The following ITGB1 variants were observed in gnomAD, a reference collection of about 807,000 sequenced individuals.
The protein encoded by ITGB1 is integrin subunit beta 1.
Under a neutral mutation model 86.5 loss-of-function variants are expected in ITGB1, and 24 were observed. The observed-to-expected ratio is 0.28, with a 90% CI of 0.20 to 0.39. ITGB1 has a LOEUF of 0.39. ITGB1 is among the 10% of genes least tolerant of loss of function. The probability of loss-of-function intolerance (pLI) is 1.00; values close to 1 mark genes in which losing one functional copy is unlikely to be tolerated. For missense variants in ITGB1, 556 were observed against 946.9 expected, an observed-to-expected ratio of 0.59 and a Z score of 5.42; for synonymous variants, 323 against 316.8, an observed-to-expected ratio of 1.02 and a Z score of -0.21.
chr10:32,915,725 TAC>T (rs751762502), intron 11 of ITGB1, among the ~76,000 whole-genome samples: 1 of 152,214 alleles, frequency 6.6e-6, no homozygotes, highest in Non-Finnish European at 1.5e-5. Context: ...AGCCGAATTC[TAC>T]CAGAGGTACA....
chr10:32,957,678 C>G (rs1048255047), intron 1 of ITGB1: 4 of 152,320 alleles, frequency 2.6e-5, no homozygotes, highest in Non-Finnish European at 5.9e-5. Context: ...CGCGAGGGAG[C>G]GAGAGACAAA....
chr10:32,925,080 T>A (rs1195311149), intron 6 of ITGB1, among the ~76,000 whole-genome samples: 10 of 152,118 alleles, frequency 6.6e-5, no homozygotes, highest in African/African-American at 2.4e-5. Flanking sequence ...CTAAGAGGCC[T>A]CTAAAATCAA....
At chr10:32,930,100 T>C in intron 3 of ITGB1, 56 bp from the exon 4 acceptor site, 9 of 779,672 alleles carry the variant, frequency 1.2e-5, no homozygotes, top group Non-Finnish European at 2.0e-5. Flanking sequence ...CAAACCTTTT[T>C]ACATAATAAT....
chr10:32,935,637 C>T (rs1202893100), intron 1 of ITGB1, 79 bp from the exon 2 acceptor site: 12 of 974,840 alleles, frequency 1.2e-5, no homozygotes, highest in Admixed American at 5.8e-5. Context: ...ATTACCCCAC[C>T]GTACCTTCTA....
chr10:32,923,313 C>T (rs963242933), intron 7 of ITGB1, among the ~76,000 whole-genome samples: 6 of 152,092 alleles, frequency 3.9e-5, no homozygotes, highest in African/African-American at 1.2e-4. Context: ...ATGCTGTGGG[C>T]GGGGAGTTGA....
chr10:32,937,041 A>T (rs1364084279), intron 1 of ITGB1, among the ~76,000 whole-genome samples: 1 of 152,124 alleles, frequency 6.6e-6, no homozygotes, highest in Non-Finnish European at 1.5e-5. Flanking sequence ...CAAAAACCAT[A>T]AAAAAATTTC....
chr10:32,942,818 G>A (rs117512259), intron 1 of ITGB1, among the ~76,000 whole-genome samples: 6,757 of 151,724 alleles, frequency 0.045, 175 homozygotes, highest in Non-Finnish European at 0.058. Context: ...CCAAGTAACT[G>A]GGACTACAGG....
At chr10:32,930,567 C>T (rs2040009) in intron 3 of ITGB1, among the ~76,000 whole-genome samples, 14,383 of 151,988 alleles carry the variant, frequency 0.095, 872 homozygotes, top group Admixed American at 0.2. Flanking sequence ...AATTTAGCAC[C>T]GATTAAATAA....
chr10:32,946,290 T>G (rs533715046), intron 1 of ITGB1, among the ~76,000 whole-genome samples: 1 of 152,338 alleles, frequency 6.6e-6, no homozygotes, highest in African/African-American at 2.4e-5. Context: ...TTGGCATAAA[T>G]AGCAATCAAT....
Position 32,932,638 on chromosome 10 carries a change from A to G in ITGB1, c.68-38T>C, listed in dbSNP as rs374392852. The stretch of plus-strand genomic sequence containing the variant: ...AGAAAGAACAGAACATTTTATGTGA[A>G]GTGTCAGAGAGAAAATAATGAAAAA... On this transcript the variant is annotated intron_variant, in intron 2 of 15. Transcript: ENST00000302278. 5.4e-6 allele frequency: 6 copies of G among 1,115,990 alleles called. No homozygotes were observed. In the African/African-American group the frequency reaches 6.1e-5, roughly 11 times the overall value. The allele number at this position is 1,115,990 out of a possible 1,614,324, so 69.1% of individuals were successfully genotyped here.
intron 1 of ITGB1, among the ~76,000 whole-genome samples, chr10:32,949,888 G>A (rs2095039353): frequency 6.6e-6 from 1 of 151,784 alleles, no homozygotes; most frequent in Admixed American, 6.6e-5. Flanking sequence ...AACTTTATAT[G>A]GACTATCTTT....
At chr10:32,935,960 G>C (rs1321924714) in intron 1 of ITGB1, 1 of 157,696 alleles carries the variant, frequency 6.3e-6, no homozygotes, top group African/African-American at 2.4e-5. Context: ...GCCCAGACCA[G>C]CATATCCAGA....
At chr10:32,945,690 G>A (rs758482791) in intron 1 of ITGB1, among the ~76,000 whole-genome samples, 53 of 152,020 alleles carry the variant, frequency 3.5e-4, no homozygotes, top group Non-Finnish European at 5.7e-4. Flanking sequence ...TATCTCATCA[G>A]AAATTTTTGC....
chr10:32,940,099 G>A (rs562611488), intron 1 of ITGB1, among the ~76,000 whole-genome samples: 2 of 152,192 alleles, frequency 1.3e-5, no homozygotes, highest in South Asian at 2.1e-4. Context: ...TAATCCCAGC[G>A]CTTTGGGAGG....
intron 1 of ITGB1, among the ~76,000 whole-genome samples, chr10:32,952,455 C>T (rs1029588676): frequency 9.5e-5 from 4 of 42,138 alleles, no homozygotes; most frequent in Non-Finnish European, 2.3e-4. Flanking sequence ...ATTTCCTCCT[C>T]CAATAAACAT....
chr10:32,919,811 T>C (rs2094943071), intron 11 of ITGB1, 74 bp downstream of exon 11: 3 of 1,290,472 alleles, frequency 2.3e-6, no homozygotes, highest in South Asian at 1.2e-5. Flanking sequence ...ATTCTCTGGA[T>C]GTCCCAAAAT....
chr10:32,948,307 T>C (rs910551718), intron 1 of ITGB1, among the ~76,000 whole-genome samples: 1 of 152,180 alleles, frequency 6.6e-6, no homozygotes, highest in African/African-American at 2.4e-5. Flanking sequence ...AAATATTTTA[T>C]ACTGACAAAA....
intron 1 of ITGB1, among the ~76,000 whole-genome samples, chr10:32,942,662 C>T (rs1272486804): frequency 2.0e-5 from 3 of 150,920 alleles, no homozygotes; most frequent in African/African-American, 2.4e-5. Context: ...AGACTAGCCT[C>T]GACCCTGTCT....
chr10:32,924,110 GAA>G (rs2094957963), intron 6 of ITGB1, among the ~76,000 whole-genome samples: 1 of 152,170 alleles, frequency 6.6e-6, no homozygotes, highest in Non-Finnish European at 1.5e-5. Flanking sequence ...CTGAATAAAT[GAA>G]AGTGTCTGAG....
Sources: allele counts gnomAD v4.1 joint callset (sites outside exome capture counted in the v4.1 genomes callset), GRCh38; gene constraint gnomAD v4.1.1; transcripts MANE v1.5; gene names NCBI Gene and HGNC (gene_info 2026-07-23, HGNC 2026-07-21).